The following OTOF variants were observed in gnomAD, a reference collection of about 807,000 sequenced individuals.
OTOF encodes the protein otoferlin, also known as fer-1-like family member 2.
Under a neutral mutation model 236.8 loss-of-function variants are expected in OTOF, and 218 were observed. The observed-to-expected ratio is 0.92, with a 90% confidence interval of 0.82 to 1.03. OTOF has a LOEUF of 1.03. OTOF is among the 50% of genes least tolerant of loss of function. The pLI is 0.00. For missense variants in OTOF, 2,590 were observed against 2,694.4 expected (o/e 0.96, Z 0.86); for synonymous variants, 1,041 against 1,072.5 (o/e 0.97, Z 0.57).
chr2:26,548,843 G>A (rs1053859788), intron 1 of OTOF, among the ~76,000 whole-genome samples: 3 of 152,102 alleles, frequency 2.0e-5, no homozygotes, highest in East Asian at 1.9e-4. Context: ...TGACACAATC[G>A]CTTAATGATG....
Position 26,464,856 on chromosome 2 carries a change from A to G in OTOF, c.4960+13T>C. 6.2e-7 allele frequency: 1 copy of G among 1,600,912 alleles called. No homozygotes were observed. The highest frequency in any genetic ancestry group is 8.5e-7 in the Non-Finnish European group (1 of 1,173,290). ...GGAGAGGGGGCAGGCGGCTGCATCC[A>G]GTGCCCCATTACCGTTCTCGTCCTC... On this transcript the variant is annotated intron_variant, in intron 39 of 46. Transcript: ENST00000272371.
rs1222047844 is a variant in OTOF at position 26,504,371 on chromosome 2, G to T, written c.510-526C>A. Among the ~76,000 whole-genome samples the T allele has an allele frequency of 2.0e-5, 3 of 152,294 alleles. No individual in the cohort carries two copies. The East Asian group carries it at 5.8e-4, about 29-fold the overall frequency. On this transcript the variant is annotated intron_variant, in intron 5 of 46. Coordinates refer to ENST00000272371, the MANE Select transcript of OTOF (RefSeq NM_194248.3). ...GAGATGGGAGATGTGGTTGAAACGAGCTGTTCAGTTCTCAGATGGCCCTGG... is the reference window on the plus strand; with the variant it reads ...GAGATGGGAGATGTGGTTGAAACGATCTGTTCAGTTCTCAGATGGCCCTGG...
At position 26,460,657 on chromosome 2, in the gene OTOF, C is replaced by T; in HGVS notation, c.5803G>A (p.Glu1935Lys). 6.2e-7 allele frequency: 1 copy of T among 1,613,922 alleles called. No individual in the cohort carries two copies. The highest frequency in any genetic ancestry group is 1.3e-5 in the African/African-American group (1 of 75,036). ...CGGCAGGGCACTCACTTGGGTTTCT[C>T]TAGGGGGTCAGGTTCATTGCGGGCC... ...GLARNEPDPL[E>K]KPNRPDTSFI... Residue 1935 changes from glutamate (E) to lysine (K), a missense_variant, in exon 45 of 47, where the codon GAG (glutamate) becomes AAG (lysine). Physicochemically the swap from Glu to Lys is moderately conservative, Grantham distance 56. Around this residue, in one of 2 missense-constraint regions of OTOF, gnomAD observed 1,211 missense variants for 1,352.8 expected, o/e 0.90. Transcript: ENST00000272371. This position sits in a 1 kb window ranked among gnomAD's most constrained non-coding sequence, Gnocchi z 5.3.
Position 26,480,972 on chromosome 2 carries a change from C to G in OTOF, c.1617G>C (p.Met539Ile). 6.2e-7 allele frequency: 1 copy of G among 1,611,404 alleles called. No individual in the cohort carries two copies. Among genetic ancestry groups the G allele is most frequent in the Non-Finnish European group, 8.5e-7 (1 of 1,179,408 alleles). ...LPTLGPAWVN[M>I]YGSTRNYTLL... is the part of the protein sequence containing the mutation. Reference sequence around the variant, plus strand: ...GCGTGTAGTTACGTGTGGAGCCGTACATGTTCACCCAGGCTGGGCCCAGTG... The same window carrying G: ...GCGTGTAGTTACGTGTGGAGCCGTAGATGTTCACCCAGGCTGGGCCCAGTG... Residue 539 changes from methionine (M) to isoleucine (I), a missense_variant, in exon 15 of 47, where the codon ATG becomes ATC. Physicochemically the swap from Met to Ile is conservative, Grantham distance 10 (BLOSUM62 1). Transcript: ENST00000272371.
chr2:26,467,360 C>G lies in OTOF; in HGVS notation c.4227+5G>C, dbSNP rs571671530. 22 of 1,613,864 alleles carry G rather than the reference C, an allele frequency of 1.4e-5. No individual in the cohort carries two copies. In the East Asian group the frequency reaches 4.5e-4, roughly 33 times the overall value. On this transcript the variant is annotated splice_donor_5th_base_variant and intron_variant, in intron 34 of 46. Coordinates refer to ENST00000272371, the MANE Select transcript of OTOF (RefSeq NM_194248.3). ...CCCTAGAAGGGTCTGCTCCTAGGCT[C>G]TCACCTTAAGCTCATCAATCTTGGG... is the stretch of plus-strand genomic sequence containing the variant.
Position 26,477,700 on chromosome 2 carries a change from T to A in OTOF, c.2264A>T (p.Tyr755Phe), listed in dbSNP as rs777387620. The A allele has an allele frequency of 6.2e-7, 1 of 1,612,660 alleles. No individual in the cohort carries two copies. Among genetic ancestry groups the A allele is most frequent in the Admixed American group, 1.7e-5 (1 of 60,016 alleles). The part of the protein sequence containing the change: ...IQEMIKTEKS[Y>F]PERRLRGVLE... Reference sequence around the variant, plus strand: ...GACGCCCCGCAGGCGACGCTCAGGGTAGGACTTCTCCGTTTTGATCATCTC... The same window carrying A: ...GACGCCCCGCAGGCGACGCTCAGGGAAGGACTTCTCCGTTTTGATCATCTC... Residue 755 changes from tyrosine to phenylalanine, a missense_variant, in exon 19 of 47, where the codon TAC becomes TTC. Tyr to Phe is a conservative substitution (Grantham distance 22). Coordinates refer to ENST00000272371, the MANE Select transcript of OTOF (RefSeq NM_194248.3). This position sits in a 1 kb window ranked among gnomAD's most constrained non-coding sequence, Gnocchi z 4.7.
At chr2:26,484,202 C>T (rs550078142) in intron 12 of OTOF, among the ~76,000 whole-genome samples, 26 of 152,356 alleles carry the variant, frequency 1.7e-4, no homozygotes, top group Middle Eastern at 6.8e-3. Context: ...ATACTCAGGA[C>T]CCAGCAGCTG....
intron 6 of OTOF, 83 bp from the exon 7 acceptor site, chr2:26,502,509 A>G: frequency 7.0e-7 from 1 of 1,429,440 alleles, no homozygotes; most frequent in Non-Finnish European, 9.6e-7. Context: ...GCATCCAGAA[A>G]GCTGAGAGTT....
rs56304724 is a variant in OTOF at position 26,489,233 on chromosome 2, C to A, written c.1023G>T (p.Val341=). ...GTLVGSFKMD[V]GTVYSQPEHQ... ...CACCTGGCTGCGAGTACACGGTTCC[C>A]ACGTCCATTTTGAAGGAGCCCACCA... Residue 341 remains valine (V), a synonymous_variant, in exon 11 of 47, where the codon GTG becomes GTT. Transcript: ENST00000272371. 4.3e-6 allele frequency: 7 copies of A among 1,612,716 alleles called. No individual in the cohort carries two copies. Among genetic ancestry groups the A allele is most frequent in the Non-Finnish European group, 5.9e-6 (7 of 1,179,620 alleles).
chr2:26,501,698 G>C, intron 8 of OTOF, 56 bp downstream of exon 8: 4 of 1,213,178 alleles, frequency 3.3e-6, no homozygotes, highest in Non-Finnish European at 4.9e-6. Context: ...CATCCGGCTA[G>C]AATCCCCCAC....
rs1664539571 is a variant in OTOF at position 26,462,731 on chromosome 2, G to C, written c.5193-550C>G. 6.6e-6 allele frequency among the ~76,000 whole-genome samples: 1 copy of C among 152,176 alleles called. No individual in the cohort carries two copies. The highest frequency in any genetic ancestry group is 2.4e-5 in the African/African-American group (1 of 41,444). On this transcript the variant is annotated intron_variant, in intron 41 of 46. Coordinates refer to ENST00000272371, the MANE Select transcript of OTOF (RefSeq NM_194248.3). This position sits in a 1 kb window ranked among gnomAD's most constrained non-coding sequence, Gnocchi z 4.7. ...GGCCTCAGGTTTCCAGGACATTCCTGGCAGAATTTGCTGCATGATTTGCTG... is the reference window on the plus strand; with the variant it reads ...GGCCTCAGGTTTCCAGGACATTCCTCGCAGAATTTGCTGCATGATTTGCTG...
chr2:26,472,323 A>G (rs982240748), intron 30 of OTOF, 196 bp downstream of exon 30: 9 of 674,626 alleles, frequency 1.3e-5, no homozygotes, highest in Non-Finnish European at 2.2e-5. Context: ...TACATACCAC[A>G]CGCACGCGTG....
In OTOF at chr2:26,464,996, C is replaced by T. The variant is rs939293740; in HGVS notation, c.4833G>A (p.Lys1611=). Residue 1611 remains lysine (K), a synonymous_variant, in exon 39 of 47, where the codon AAG becomes AAA. Transcript: ENST00000272371. ...AGAGGCGGGTCAGGATCTGGCTGGG[C>T]TTCATGGGGTCCCGCCAGATATTGT... ...HGYNIWRDPM[K]PSQILTRLCK... is the part of the protein sequence containing the mutation. 2.0e-6 allele frequency: 3 copies of T among 1,512,114 alleles called. No individual in the cohort carries two copies. The highest frequency in any genetic ancestry group is 2.8e-5 in the African/African-American group (2 of 70,690). The allele number at this position is 1,512,114 out of a possible 1,614,324, so 93.7% of individuals were successfully genotyped here. A position where few individuals can be genotyped will look rare whatever the true frequency, so the allele number is the denominator to read the frequency against.
At chr2:26,524,695 G>A (rs1421190035) in intron 3 of OTOF, among the ~76,000 whole-genome samples, 1 of 152,214 alleles carries the variant, frequency 6.6e-6, no homozygotes, top group Non-Finnish European at 1.5e-5. Context: ...ATTTAACAAT[G>A]TCTTCCATGC....
intron 1 of OTOF, among the ~76,000 whole-genome samples, chr2:26,553,856 G>C (rs1667521955): frequency 1.3e-5 from 2 of 152,076 alleles, no homozygotes. Context: ...CCCACCTATG[G>C]GCTGGAGCTG....
At chr2:26,500,277 G>T (rs1666085110) in intron 8 of OTOF, among the ~76,000 whole-genome samples, 1 of 152,200 alleles carries the variant, frequency 6.6e-6, no homozygotes, top group South Asian at 2.1e-4. Flanking sequence ...GGTGGTTGAA[G>T]AATTACATTA....
chr2:26,539,392 C>T (rs4268899), intron 1 of OTOF, among the ~76,000 whole-genome samples: 98,397 of 152,118 alleles, frequency 0.65, 36,103 homozygotes, highest in East Asian at 0.97. Flanking sequence ...AAAACCCAAA[C>T]TATATGCATA....
intron 2 of OTOF, among the ~76,000 whole-genome samples, chr2:26,530,483 T>A (rs1666917996): frequency 6.6e-6 from 1 of 152,154 alleles, no homozygotes; most frequent in African/African-American, 2.4e-5. Flanking sequence ...GGGAATGTTC[T>A]TCTTGGAGGC....
At chr2:26,516,685 C>A in intron 4 of OTOF, 86 bp from the exon 5 acceptor site, 1 of 1,406,976 alleles carries the variant, frequency 7.1e-7, no homozygotes, top group Non-Finnish European at 9.9e-7. Flanking sequence ...GGTGTTTACA[C>A]AGCGCTTCCA....
Sources: allele counts gnomAD v4.1 joint callset (sites outside exome capture counted in the v4.1 genomes callset), GRCh38; gene constraint gnomAD v4.1.1; regional missense constraint gnomAD v4.1.1; non-coding constraint Gnocchi (gnomAD v3.1); transcripts MANE v1.5; gene names NCBI Gene and HGNC (gene_info 2026-07-23, HGNC 2026-07-21).